MIPOL1: variants seen among roughly 807,000 people sequenced by gnomAD.
MIPOL1 encodes the protein mirror-image polydactyly gene 1 protein.
MIPOL1 carries 57 observed loss-of-function variants against 60.9 expected under a neutral mutation model. The observed-to-expected ratio is 0.94, with a 90% CI of 0.76 to 1.17. MIPOL1 has a LOEUF of 1.17. Among genes scored for constraint, MIPOL1 ranks in the 50% most tolerant of loss-of-function variants. The pLI, the probability that MIPOL1 is intolerant of heterozygous loss-of-function variation, is 0.00. For synonymous variants in MIPOL1, 179 were observed against 168.8 expected (o/e 1.06, Z -0.47); for missense variants, 551 against 511.6 (o/e 1.08, Z -0.74).
intron 10 of MIPOL1, among the ~76,000 whole-genome samples, chr14:37,411,055 G>GT (rs957502770): frequency 6.6e-6 from 1 of 152,044 alleles, no homozygotes; most frequent in African/African-American, 2.4e-5. Flanking sequence ...AAAATATGCT[G>GT]TTTACAGGAG....
intron 11 of MIPOL1, among the ~76,000 whole-genome samples, chr14:37,445,605 G>A (rs1303214862): frequency 4.6e-5 from 7 of 151,148 alleles, no homozygotes; most frequent in Non-Finnish European, 8.9e-5. Flanking sequence ...AAAAGAGCCC[G>A]CATCGCCAAG....
At chr14:37,357,224 A>T (rs1374028918) in intron 9 of MIPOL1, among the ~76,000 whole-genome samples, 2 of 152,212 alleles carry the variant, frequency 1.3e-5, no homozygotes, top group Non-Finnish European at 2.9e-5. Context: ...CATTCTCACC[A>T]ACAGATGGGC....
chr14:37,484,578 C>T (rs1014931457), intron 11 of MIPOL1, among the ~76,000 whole-genome samples: 3 of 151,984 alleles, frequency 2.0e-5, no homozygotes, highest in African/African-American at 7.2e-5. Flanking sequence ...CCTCGTGATC[C>T]GCCCCCCTCA....
Position 37,248,060 on chromosome 14 carries a change from A to G in MIPOL1, c.19+153A>G, listed in dbSNP as rs906487501. ...ACATGCACACAGAGACCCAGGGATT[A>G]TGAAAGAGATACAAAGAAAGACACA... is the stretch of plus-strand genomic sequence containing the variant. On this transcript the variant is annotated intron_variant, in intron 3 of 12. Transcript: ENST00000684589. 1.5e-4 allele frequency among the ~76,000 whole-genome samples: 23 copies of G among 151,984 alleles called. 1 individual carries two copies. The highest frequency in any genetic ancestry group is 5.1e-4 in the African/African-American group (21 of 41,408).
At chr14:37,507,305 C>T (rs2095286359) in intron 12 of MIPOL1, 1 of 152,174 alleles carries the variant, frequency 6.6e-6, no homozygotes, top group African/African-American at 2.4e-5. Context: ...TACATGCACA[C>T]ATATGCTTAT....
chr14:37,351,429 T>C lies in MIPOL1; in HGVS notation c.829-18088T>C, dbSNP rs973802734. ...AGTCCTTTGGGTATATACCCAGTAA[T>C]GGGATGGCTGGCTCAAATGGTATTT... On this transcript the variant is annotated intron_variant, in intron 9 of 12. Coordinates refer to ENST00000684589, the MANE Select transcript of MIPOL1 (RefSeq NM_001388067.1). Among the ~76,000 whole-genome samples, 159 of 151,802 alleles carry C rather than the reference T, an allele frequency of 1.0e-3. 1 individual carries two copies. The highest frequency in any genetic ancestry group is 2.0e-3 in the Non-Finnish European group (133 of 67,876).
chr14:37,374,864 G>T (rs2153502994), intron 10 of MIPOL1, among the ~76,000 whole-genome samples: 1 of 152,094 alleles, frequency 6.6e-6, no homozygotes. Flanking sequence ...TTGGCTATGT[G>T]GGCTCCTTTT....
chr14:37,266,468 A>G (rs1030570893), intron 3 of MIPOL1, among the ~76,000 whole-genome samples: 4 of 152,212 alleles, frequency 2.6e-5, no homozygotes, highest in Non-Finnish European at 5.9e-5. Context: ...CCTCTATATC[A>G]TTAACAGACC....
intron 6 of MIPOL1, among the ~76,000 whole-genome samples, chr14:37,279,508 T>C (rs1228449520): frequency 6.6e-6 from 1 of 152,034 alleles, no homozygotes; most frequent in South Asian, 2.1e-4. Context: ...TCAAAAGTAC[T>C]GAATTCCAGA....
At chr14:37,351,248 T>C (rs1174807964) in intron 9 of MIPOL1, among the ~76,000 whole-genome samples, 1 of 147,790 alleles carries the variant, frequency 6.8e-6, no homozygotes, top group African/African-American at 2.5e-5. Context: ...TCATTCTTTT[T>C]TATGGCTGCA....
chr14:37,256,603 TG>T (rs1415828824), intron 3 of MIPOL1, among the ~76,000 whole-genome samples: 1 of 151,964 alleles, frequency 6.6e-6, no homozygotes, highest in East Asian at 1.9e-4. Context: ...TGTTTCCTTT[TG>T]GAAAACTTCA....
At chr14:37,258,850 A>G (rs1975401703) in intron 3 of MIPOL1, among the ~76,000 whole-genome samples, 1 of 152,154 alleles carries the variant, frequency 6.6e-6, no homozygotes, top group Non-Finnish European at 1.5e-5. Flanking sequence ...AAACAAACAA[A>G]AACTTAAAAA....
rs139622114 is a variant in MIPOL1 at position 37,486,668 on chromosome 14, C to T, written c.1032-13240C>T. Among the ~76,000 whole-genome samples the T allele has an allele frequency of 4.8e-3, 735 of 152,226 alleles. 4 individuals carry two copies. Among genetic ancestry groups the T allele is most frequent in the African/African-American group, 0.017 (694 of 41,526 alleles). ...TATAGGAATGCTTGTGATTTTTGCT[C>T]ATTGATTTTGTATCCTGAGACTTTG... On this transcript the variant is annotated intron_variant, in intron 11 of 12. Coordinates refer to ENST00000684589, the MANE Select transcript of MIPOL1 (RefSeq NM_001388067.1).
chr14:37,248,046 G>C (rs1973456753), intron 3 of MIPOL1, 139 bp downstream of exon 3: 3 of 684,810 alleles, frequency 4.4e-6, no homozygotes, highest in Admixed American at 5.9e-5. Context: ...CATGCACACA[G>C]AGACCCAGGG....
At chr14:37,383,073 T>C (rs1430595578) in intron 10 of MIPOL1, among the ~76,000 whole-genome samples, 3 of 151,888 alleles carry the variant, frequency 2.0e-5, no homozygotes, top group Admixed American at 1.3e-4. Flanking sequence ...CAGCCTTTTC[T>C]TTAGAAAATG....
Position 37,308,046 on chromosome 14 carries a change from T to C in MIPOL1, c.624-10T>C. ...CTACTGATCAGGCTTTCTGTGTCCC[T>C]TTTTTCTAGGCTAGAAAATATTAAC... On this transcript the variant is annotated splice_polypyrimidine_tract_variant and intron_variant, in intron 7 of 12. Transcript: ENST00000684589. 6.2e-7 allele frequency: 1 copy of C among 1,606,516 alleles called. No individual in the cohort carries two copies. The highest frequency in any genetic ancestry group is 1.7e-5 in the Admixed American group (1 of 59,178).
At chr14:37,304,016 T>C (rs769887632) in intron 7 of MIPOL1, among the ~76,000 whole-genome samples, 5 of 151,830 alleles carry the variant, frequency 3.3e-5, no homozygotes, top group Non-Finnish European at 7.4e-5. Context: ...TCTTTTCTGC[T>C]GAATCTATAG....
At chr14:37,338,815 C>T (rs2090376393) in intron 9 of MIPOL1, among the ~76,000 whole-genome samples, 1 of 152,162 alleles carries the variant, frequency 6.6e-6, no homozygotes, top group African/African-American at 2.4e-5. Flanking sequence ...CCTTCCCTCA[C>T]ACCATGCTAA....
At chr14:37,509,983 C>A (rs933665207) in intron 12 of MIPOL1, among the ~76,000 whole-genome samples, 1 of 151,316 alleles carries the variant, frequency 6.6e-6, no homozygotes, top group Non-Finnish European at 1.5e-5. Flanking sequence ...TGCATACATA[C>A]GTAGTTTATA....
Sources: allele counts gnomAD v4.1 joint callset (sites outside exome capture counted in the v4.1 genomes callset), GRCh38; gene constraint gnomAD v4.1.1; transcripts MANE v1.5; gene names NCBI Gene and HGNC (gene_info 2026-07-23, HGNC 2026-07-21).